Variants in CD83 observed in about 807,000 individuals in gnomAD.
The protein encoded by CD83 is CD83 antigen.
Under a neutral mutation model 24.6 loss-of-function variants are expected in CD83, and 22 were observed. That is an observed-to-expected ratio of 0.90 (90% CI 0.64 to 1.28). CD83 has a LOEUF of 1.28. Ranked by LOEUF, CD83 falls within the 50% of genes most tolerant of loss-of-function variation. CD83 has a pLI of 0.00. For missense variants in CD83, 253 were observed against 252.8 expected (o/e 1.00, Z -0.01); for synonymous variants, 101 against 103.5 (o/e 0.98, Z 0.14).
chr6:14,121,522 G>A (rs1409251433), intron 2 of CD83, among the ~76,000 whole-genome samples: 1 of 146,294 alleles, frequency 6.8e-6, no homozygotes, highest in African/African-American at 2.5e-5. Flanking sequence ...GCTTATGCCT[G>A]TAATCCCAGC....
At chr6:14,131,799 TC>T (rs1757912403) in intron 3 of CD83, 51 bp downstream of exon 3, 1 of 1,211,790 alleles carries the variant, frequency 8.3e-7, no homozygotes, top group Non-Finnish European at 1.2e-6. Flanking sequence ...CATGTGTACT[TC>T]CTTTAGGTCC....
chr6:14,130,933 A>G (rs1307985442), intron 2 of CD83, among the ~76,000 whole-genome samples: 1 of 152,216 alleles, frequency 6.6e-6, no homozygotes, highest in Non-Finnish European at 1.5e-5. Flanking sequence ...CATAGTACAG[A>G]GAAAAGGTGT....
intron 2 of CD83, among the ~76,000 whole-genome samples, chr6:14,126,262 C>G (rs1188281610): frequency 6.6e-6 from 1 of 152,118 alleles, no homozygotes; most frequent in Non-Finnish European, 1.5e-5. Flanking sequence ...ATTTAGTATG[C>G]AGAATGAAAC....
rs1335628554 is a variant in CD83 at position 14,135,318 on chromosome 6, G to A, written c.*82G>A. ...GTTACACTGGAGGAGAGAAGAATGA[G>A]CCTACGCTGAAGATGGCATCCTGTG... On this transcript the variant is annotated 3_prime_UTR_variant, in exon 5 of 5. Coordinates refer to ENST00000379153, the MANE Select transcript of CD83 (RefSeq NM_004233.4). 6.9e-7 allele frequency: 1 copy of A among 1,456,128 alleles called. No homozygotes were observed. Among genetic ancestry groups the A allele is most frequent in the Non-Finnish European group, 9.4e-7 (1 of 1,066,632 alleles). 90.2% of individuals were successfully genotyped at this position (1,456,128 alleles called of 1,614,324 possible).
chr6:14,118,078 A>AAT lies in CD83; in HGVS notation c.153+13_153+14insAT. The AAT allele has an allele frequency of 6.3e-7, 1 of 1,580,048 alleles. No homozygotes were observed. The highest frequency in any genetic ancestry group is 8.6e-7 in the Non-Finnish European group (1 of 1,158,708). On this transcript the variant is annotated intron_variant, in intron 2 of 4. Coordinates refer to ENST00000379153, the MANE Select transcript of CD83 (RefSeq NM_004233.4). ...CTCCTGGGTCAAGGTAGGTGCTGCG[A>AAT]TACCCACGGGCTGGGGTTTGGTGGG...
At chr6:14,117,649 GCCTAAGCGGGACTAGGAGGGCGCGCCAC>G (rs1197584786), upstream of CD83, 1 of 407,596 alleles carries the variant, frequency 2.5e-6, no homozygotes, top group Non-Finnish European at 4.3e-6. This position sits in a 1 kb window ranked among gnomAD's most constrained non-coding sequence, Gnocchi z 4.6. Flanking sequence ...GGGCGCCCCG[GCCTAAGCGGGACTAGGAGGGCGCGCCAC>G]CCGCTTCCGC....
At position 14,133,754 on chromosome 6, in the gene CD83, G is replaced by T. The variant is rs199946337; in HGVS notation, c.488G>T (p.Cys163Phe). 1 of 1,587,226 alleles carries T rather than the reference G, an allele frequency of 6.3e-7. No homozygotes were observed. Among genetic ancestry groups the T allele is most frequent in the African/African-American group, 1.4e-5 (1 of 73,114 alleles). ...TACTTAACACTCATCATTTTCACTT[G>T]TGTAAGTATCTTCTTAAAACATCTT... ...IFYLTLIIFTCKFARLQSIFP... is the reference protein window; with the variant it reads ...IFYLTLIIFTFKFARLQSIFP... The change falls in exon 4 of 5, where the codon TGT (cysteine) becomes TTT (phenylalanine). Residue 163 changes from cysteine (C) to phenylalanine (F), a missense_variant and splice_region_variant. Physicochemically the swap from Cys to Phe is radical, Grantham distance 205 (BLOSUM62 -2). Transcript: ENST00000379153.
At chr6:14,118,888 T>C (rs1759606672) in intron 2 of CD83, among the ~76,000 whole-genome samples, 1 of 152,364 alleles carries the variant, frequency 6.6e-6, no homozygotes, top group South Asian at 2.1e-4. Context: ...CACCTCCATT[T>C]TAACCCAAAT....
chr6:14,123,181 C>T (rs750629017), intron 2 of CD83, among the ~76,000 whole-genome samples: 9 of 151,714 alleles, frequency 5.9e-5, no homozygotes, highest in Non-Finnish European at 1.0e-4. Context: ...CACTGCAACC[C>T]CCTCTTCCAA....
intron 2 of CD83, among the ~76,000 whole-genome samples, chr6:14,121,389 C>T (rs893625050): frequency 1.3e-5 from 2 of 151,454 alleles, no homozygotes; most frequent in Non-Finnish European, 2.9e-5. Flanking sequence ...ATTGCCCAGG[C>T]TGGTCTCCAA....
chr6:14,127,265 C>T (rs937998772), intron 2 of CD83, among the ~76,000 whole-genome samples: 5 of 152,170 alleles, frequency 3.3e-5, no homozygotes, highest in Non-Finnish European at 7.3e-5. Context: ...GCTGGGATTA[C>T]AGGCATGAGC....
rs1425027363 is a variant in CD83, at chr6:14,136,715, CTT to C, written c.*1481_*1482del. ...TCTGTTTTATATTCAACTCATAAGACTTTGGGATAGGAAAAATGAGTAATGGT... is the reference window on the plus strand; with the variant it reads ...TCTGTTTTATATTCAACTCATAAGACTGGGATAGGAAAAATGAGTAATGGT... On this transcript the variant is annotated 3_prime_UTR_variant, in exon 5 of 5. Coordinates refer to ENST00000379153, the MANE Select transcript of CD83 (RefSeq NM_004233.4). The C allele has an allele frequency of 6.6e-6, 1 of 152,086 alleles. No individual in the cohort carries two copies. The highest frequency in any genetic ancestry group is 1.5e-5 in the Non-Finnish European group (1 of 68,018). The allele number at this position is 152,086 out of a possible 1,614,324, so 9.4% of individuals were successfully genotyped here. A position where few individuals can be genotyped will look rare whatever the true frequency, so the allele number is the denominator to read the frequency against.
At chr6:14,127,338 G>T (rs1177497145) in intron 2 of CD83, among the ~76,000 whole-genome samples, 1 of 151,970 alleles carries the variant, frequency 6.6e-6, no homozygotes, top group Non-Finnish European at 1.5e-5. Flanking sequence ...TTTCAATTTT[G>T]TGATCAAAAC....
chr6:14,119,466 A>G (rs1759621804), intron 2 of CD83, among the ~76,000 whole-genome samples: 1 of 152,154 alleles, frequency 6.6e-6, no homozygotes, highest in Non-Finnish European at 1.5e-5. Flanking sequence ...ATCCATTTCC[A>G]TCCATCGGAA....
intron 2 of CD83, among the ~76,000 whole-genome samples, chr6:14,123,318 C>T (rs62385760): frequency 0.12 from 17,986 of 152,082 alleles, 1,406 homozygotes; most frequent in Admixed American, 0.19. Flanking sequence ...AGGCTGGTCT[C>T]GAGCTCCTGA....
chr6:14,124,397 G>C (rs1379946143), intron 2 of CD83, among the ~76,000 whole-genome samples: 1 of 152,212 alleles, frequency 6.6e-6, no homozygotes, highest in African/African-American at 2.4e-5. Flanking sequence ...TAGGATTATG[G>C]GTCCACATAG....
At chr6:14,128,529 G>A (rs140448095) in intron 2 of CD83, among the ~76,000 whole-genome samples, 492 of 152,274 alleles carry the variant, frequency 3.2e-3, no homozygotes, top group Middle Eastern at 6.8e-3. Context: ...TCTTTTTGCT[G>A]TAGTTAGTTA....
intron 2 of CD83, among the ~76,000 whole-genome samples, chr6:14,122,001 G>A (rs1305264560): frequency 6.6e-6 from 1 of 152,182 alleles, no homozygotes; most frequent in Non-Finnish European, 1.5e-5. Flanking sequence ...TATGGGTGAT[G>A]CAAAACGAAA....
intron 2 of CD83, among the ~76,000 whole-genome samples, chr6:14,126,172 T>C (rs1484740885): frequency 2.6e-5 from 4 of 152,216 alleles, no homozygotes; most frequent in Non-Finnish European, 5.9e-5. Context: ...GCTAGTGCTC[T>C]TGTAACTTTC....
Sources: allele counts gnomAD v4.1 joint callset (sites outside exome capture counted in the v4.1 genomes callset), GRCh38; gene constraint gnomAD v4.1.1; non-coding constraint Gnocchi (gnomAD v3.1); transcripts MANE v1.5; gene names NCBI Gene and HGNC (gene_info 2026-07-23, HGNC 2026-07-21).